The following TMEM17 variants were observed in gnomAD, a reference collection of about 807,000 sequenced individuals.
TMEM17 encodes the protein transmembrane protein 17.
In TMEM17, 15 loss-of-function variants were observed where a neutral mutation model predicts 19.1. The ratio of observed to expected loss-of-function variants is 0.78; its 90% CI spans 0.52 to 1.21. The LOEUF (loss-of-function observed/expected upper bound fraction) is 1.21. TMEM17 is among the 50% of genes most tolerant of loss of function. The pLI, the probability that TMEM17 is intolerant of heterozygous loss-of-function variation, is 0.00. For synonymous variants in TMEM17, 103 were observed against 86.9 expected (o/e 1.19, Z -1.03); for missense variants, 245 against 242.3 (o/e 1.01, Z -0.07).
rs143844303 is a variant in TMEM17, at chr2:62,501,090, G to C, written c.*119C>G. The C allele has an allele frequency of 3.5e-4, 411 of 1,167,744 alleles. No individual in the cohort carries two copies. The highest frequency in any genetic ancestry group is 4.2e-4 in the Non-Finnish European group (353 of 831,248). 72.3% of individuals were successfully genotyped at this position (1,167,744 alleles called of 1,614,324 possible). The stretch of plus-strand genomic sequence containing the variant: ...CATTGCCCCCAACCTTGGAATTTCA[G>C]AGTGAGAGCATATACAATTCAAAAC... On this transcript the variant is annotated 3_prime_UTR_variant, in exon 4 of 4. Transcript: ENST00000335390.
chr2:62,471,109 A>C, the TMEM17 span, among the ~76,000 whole-genome samples: 3 of 152,152 alleles, frequency 2.0e-5, no homozygotes, highest in African/African-American at 4.8e-5. Flanking sequence ...TGACCTGAGG[A>C]GCTGAGAGAG....
chr2:62,471,522 T>A, the TMEM17 span, among the ~76,000 whole-genome samples: 1 of 152,208 alleles, frequency 6.6e-6, no homozygotes, highest in South Asian at 2.1e-4. Flanking sequence ...TGGGCTAAAA[T>A]GGTCAGAGAT....
At chr2:62,469,660 G>A in the TMEM17 span, among the ~76,000 whole-genome samples, 13 of 152,346 alleles carry the variant, frequency 8.5e-5, no homozygotes, top group Middle Eastern at 3.4e-3. Context: ...AAGACTATCT[G>A]GCTGTTCTTC....
chr2:62,491,856 C>T, the TMEM17 span, among the ~76,000 whole-genome samples: 3 of 150,258 alleles, frequency 2.0e-5, no homozygotes, highest in East Asian at 6.0e-4. Flanking sequence ...TTTCAGTCAG[C>T]TTTGACCAAC....
At chr2:62,504,800 C>T (rs1207879777) in intron 1 of TMEM17, among the ~76,000 whole-genome samples, 1 of 152,116 alleles carries the variant, frequency 6.6e-6, no homozygotes, top group Admixed American at 6.5e-5. Flanking sequence ...TTTTTCCACA[C>T]GTGAAATCCA....
chr2:62,463,247 G>T, the TMEM17 span: 1 of 152,206 alleles, frequency 6.6e-6, no homozygotes, highest in East Asian at 1.9e-4. Flanking sequence ...CACCGCAAGA[G>T]TAAAGGGCTT....
intron 1 of TMEM17, among the ~76,000 whole-genome samples, chr2:62,504,794 TC>T (rs1031898512): frequency 7.2e-5 from 11 of 152,208 alleles, no homozygotes; most frequent in African/African-American, 2.7e-4. Flanking sequence ...TAATATTTTT[TC>T]CACACGTGAA....
At chr2:62,497,731 A>G (rs1184565921), downstream of TMEM17, among the ~76,000 whole-genome samples, 2 of 152,238 alleles carry the variant, frequency 1.3e-5, no homozygotes, top group Non-Finnish European at 2.9e-5. Context: ...TAACCTGAAT[A>G]CTGCCTACCC....
Position 62,506,047 on chromosome 2 carries a change from T to C in TMEM17, c.83A>G (p.Glu28Gly). The C allele has an allele frequency of 1.2e-6, 2 of 1,610,976 alleles. No homozygotes were observed. Among genetic ancestry groups the C allele is most frequent in the South Asian group, 2.2e-5 (2 of 90,360 alleles). ...VFSDSNRTGP[E>G]SNEGPENEMV... ...TCACTCACCCGGACCCTCATTGGAC[T>C]CTGGACCGGTCCGATTGGAATCACT... Residue 28 changes from glutamate to glycine, a missense_variant, in exon 1 of 4, where the codon GAG becomes GGG. By Grantham distance (98) the Glu-to-Gly change is moderately conservative. Coordinates refer to ENST00000335390, the MANE Select transcript of TMEM17 (RefSeq NM_198276.3).
the TMEM17 span, among the ~76,000 whole-genome samples, chr2:62,462,201 C>T: frequency 6.6e-5 from 10 of 152,198 alleles, no homozygotes; most frequent in African/African-American, 2.2e-4. Context: ...CCATAAACAC[C>T]CACATCACAC....
downstream of TMEM17, among the ~76,000 whole-genome samples, chr2:62,498,918 T>C (rs558858836): frequency 1.3e-5 from 2 of 152,204 alleles, no homozygotes; most frequent in Non-Finnish European, 2.9e-5. Context: ...AACCCCCAAA[T>C]GTGCTGACAT....
At chr2:62,493,229 T>C in the TMEM17 span, among the ~76,000 whole-genome samples, 1 of 152,046 alleles carries the variant, frequency 6.6e-6, no homozygotes, top group Non-Finnish European at 1.5e-5. Context: ...GGCATCACTA[T>C]GTTGCCCAGG....
chr2:62,485,279 G>A, the TMEM17 span, among the ~76,000 whole-genome samples: 1 of 152,218 alleles, frequency 6.6e-6, no homozygotes, highest in Non-Finnish European at 1.5e-5. Context: ...TGCCATTGCT[G>A]TAAAAGTGGG....
chr2:62,500,349 A>C lies in TMEM17; in HGVS notation c.*860T>G, dbSNP rs1679890542. On this transcript the variant is annotated 3_prime_UTR_variant, in exon 4 of 4. Coordinates refer to ENST00000335390, the MANE Select transcript of TMEM17 (RefSeq NM_198276.3). Reference sequence around the variant, plus strand: ...AAAATATTTCCTAAATACCAAGGCAATCCACCTGTTTTCTTCTTCATCTCA... The same window carrying C: ...AAAATATTTCCTAAATACCAAGGCACTCCACCTGTTTTCTTCTTCATCTCA... The C allele has an allele frequency of 6.6e-6, 1 of 152,242 alleles. No individual in the cohort carries two copies. Among genetic ancestry groups the C allele is most frequent in the Non-Finnish European group, 1.5e-5 (1 of 68,042 alleles). 9.4% of individuals were successfully genotyped at this position (152,242 alleles called of 1,614,324 possible).
chr2:62,458,832 G>A, the TMEM17 span, among the ~76,000 whole-genome samples: 1 of 152,186 alleles, frequency 6.6e-6, no homozygotes, highest in Non-Finnish European at 1.5e-5. Flanking sequence ...AGCTGTCTTG[G>A]ATGTGTTTGT....
At chr2:62,505,306 G>A (rs1440802158) in intron 1 of TMEM17, among the ~76,000 whole-genome samples, 2 of 152,208 alleles carry the variant, frequency 1.3e-5, no homozygotes, top group East Asian at 3.8e-4. Flanking sequence ...TTGACATCAA[G>A]TTAAAGGACG....
At chr2:62,488,952 T>C in the TMEM17 span, among the ~76,000 whole-genome samples, 1 of 152,026 alleles carries the variant, frequency 6.6e-6, no homozygotes. Context: ...AATACAGGGA[T>C]GTAGGCTTTT....
chr2:62,476,995 T>A, the TMEM17 span, among the ~76,000 whole-genome samples: 4 of 151,866 alleles, frequency 2.6e-5, no homozygotes, highest in Non-Finnish European at 5.9e-5. Flanking sequence ...GAGGTGATCC[T>A]AGGGGGCAGA....
rs1464794204 is a variant in TMEM17, at chr2:62,500,874, T to C, written c.*335A>G. Reference sequence around the variant, plus strand: ...AACCAACAAGTTTTAAAGAAATGTATACATCTCTAGTTAAAGATTCTAACC... The same window carrying C: ...AACCAACAAGTTTTAAAGAAATGTACACATCTCTAGTTAAAGATTCTAACC... On this transcript the variant is annotated 3_prime_UTR_variant, in exon 4 of 4. Transcript: ENST00000335390. The C allele has an allele frequency of 5.0e-6, 1 of 200,556 alleles. No homozygotes were observed. Among genetic ancestry groups the C allele is most frequent in the East Asian group, 1.2e-4 (1 of 8,540 alleles). The allele number at this position is 200,556 out of a possible 1,614,324, so 12.4% of individuals were successfully genotyped here.
Sources: allele counts gnomAD v4.1 joint callset (sites outside exome capture counted in the v4.1 genomes callset), GRCh38; gene constraint gnomAD v4.1.1; transcripts MANE v1.5; gene names NCBI Gene and HGNC (gene_info 2026-07-23, HGNC 2026-07-21).